GABRG3: variants seen among roughly 807,000 people sequenced by gnomAD.
The protein encoded by GABRG3 is gamma-aminobutyric acid type A receptor subunit gamma3, also known as gamma-aminobutyric acid receptor subunit gamma-3.
A neutral mutation model predicts 48.8 loss-of-function variants in GABRG3; 25 were observed. That is an observed-to-expected ratio of 0.51 (90% CI 0.37 to 0.72). The LOEUF (loss-of-function observed/expected upper bound fraction) is 0.72. Ranked by LOEUF, GABRG3 falls within the 30% of genes least tolerant of loss-of-function variation. GABRG3 has a pLI of 0.00. For missense variants in GABRG3, 394 were observed against 577.9 expected (o/e 0.68, Z 3.26); for synonymous variants, 227 against 217.6 (o/e 1.04, Z -0.38).
At chr15:27,004,130 C>G (rs1325499504) in intron 2 of GABRG3, among the ~76,000 whole-genome samples, 1 of 148,036 alleles carries the variant, frequency 6.8e-6, no homozygotes, top group Non-Finnish European at 1.5e-5. Flanking sequence ...GGGGGGCTGA[C>G]CCCCCCACCT....
intron 2 of GABRG3, among the ~76,000 whole-genome samples, chr15:27,015,513 T>G (rs542048370): frequency 2.2e-4 from 33 of 151,456 alleles, no homozygotes; most frequent in African/African-American, 6.8e-4. Context: ...GCCTCCCGAG[T>G]AGCTGGGACT....
chr15:27,189,538 T>C (rs1299735904), intron 3 of GABRG3, among the ~76,000 whole-genome samples: 2 of 151,800 alleles, frequency 1.3e-5, no homozygotes, highest in African/African-American at 2.4e-5. Flanking sequence ...TTGTCTGTTA[T>C]TGGTGTATAA....
chr15:26,989,285 G>C (rs999403148), intron 2 of GABRG3, among the ~76,000 whole-genome samples: 36 of 152,012 alleles, frequency 2.4e-4, no homozygotes, highest in Admixed American at 1.5e-3. Flanking sequence ...TTTGTGTTTT[G>C]TTTGTCTCTT....
At chr15:27,001,888 G>GGTTTTTTTTTTTTTTTTTT (rs1895453999) in intron 2 of GABRG3, among the ~76,000 whole-genome samples, 1 of 121,230 alleles carries the variant, frequency 8.2e-6, no homozygotes, top group Non-Finnish European at 1.7e-5. Context: ...CCATAACTCA[G>GGTTTTTTTTTTTTTTTTTT]TTTTTTTTTT....
chr15:27,468,659 A>G (rs1889691142), intron 5 of GABRG3, among the ~76,000 whole-genome samples: 3 of 152,142 alleles, frequency 2.0e-5, no homozygotes, highest in Admixed American at 6.5e-5. Context: ...CTGTATTATT[A>G]TGTCTCAGTA....
chr15:27,315,947 T>A (rs6606900), intron 3 of GABRG3, among the ~76,000 whole-genome samples: 15,745 of 152,124 alleles, frequency 0.1, 2,376 homozygotes, highest in African/African-American at 0.33. Flanking sequence ...CACATTATAA[T>A]CATAACCTGG....
chr15:27,151,815 A>T (rs1898321440), intron 3 of GABRG3, among the ~76,000 whole-genome samples: 1 of 152,190 alleles, frequency 6.6e-6, no homozygotes. Context: ...GCGCCTCCAG[A>T]AGGAGCACTG....
In GABRG3 at chr15:26,989,934, A is replaced by G. The variant is rs190730946; in HGVS notation, c.202+12784A>G. 3.9e-5 allele frequency among the ~76,000 whole-genome samples: 6 copies of G among 152,314 alleles called. No individual in the cohort carries two copies. In the East Asian group the frequency reaches 1.2e-3, roughly 29 times the overall value. ...CACCTAATGATCTCCAGTTCTATCT[A>G]TGGCATTGCAAATGACAGGATCTCA... On this transcript the variant is annotated intron_variant, in intron 2 of 9. Coordinates refer to ENST00000615808, the MANE Select transcript of GABRG3 (RefSeq NM_033223.5).
chr15:27,169,159 C>G (rs1361906875), intron 3 of GABRG3, among the ~76,000 whole-genome samples: 1 of 152,174 alleles, frequency 6.6e-6, no homozygotes, highest in East Asian at 1.9e-4. Flanking sequence ...AGAAAACATA[C>G]TTGTAGATAT....
Position 27,454,251 on chromosome 15 carries a change from G to A in GABRG3, c.575-26399G>A, listed in dbSNP as rs117883172. ...CTTGAACACTTCAGAAAAATGAAGC[G>A]TGTGGTCCAACATGGACATGAATGG... On this transcript the variant is annotated intron_variant, in intron 5 of 9. Transcript: ENST00000615808. 9.2e-5 allele frequency among the ~76,000 whole-genome samples: 14 copies of A among 152,234 alleles called. No individual in the cohort carries two copies. The East Asian group carries it at 9.7e-4, about 11-fold the overall frequency.
intron 5 of GABRG3, among the ~76,000 whole-genome samples, chr15:27,433,866 G>T (rs1051935755): frequency 3.3e-4 from 50 of 152,100 alleles, no homozygotes; most frequent in African/African-American, 1.2e-3. Context: ...TTCTGAAAAA[G>T]GTGAATTTCA....
intron 5 of GABRG3, among the ~76,000 whole-genome samples, chr15:27,336,208 A>G (rs112232758): frequency 0.07 from 9,627 of 138,012 alleles, 527 homozygotes; most frequent in African/African-American, 0.17. Context: ...GAAAGAAAGA[A>G]AGAGAGAGAG....
intron 5 of GABRG3, among the ~76,000 whole-genome samples, chr15:27,403,856 G>A (rs938877636): frequency 7.0e-6 from 1 of 143,446 alleles, no homozygotes; most frequent in Non-Finnish European, 1.5e-5. Flanking sequence ...AGGTTGCAGT[G>A]AGCCGAGATC....
intron 6 of GABRG3, among the ~76,000 whole-genome samples, chr15:27,492,682 A>G (rs1260667862): frequency 6.6e-6 from 1 of 152,228 alleles, no homozygotes; most frequent in Non-Finnish European, 1.5e-5. Context: ...AAAGTAGAAC[A>G]TCTATTTGTT....
intron 3 of GABRG3, among the ~76,000 whole-genome samples, chr15:27,308,763 CAT>C (rs1405777869): frequency 2.0e-5 from 3 of 149,188 alleles, no homozygotes; most frequent in Admixed American, 6.7e-5. Flanking sequence ...ATAATGTAAA[CAT>C]ACGTTTATAT....
chr15:27,257,086 T>C (rs1205052706), intron 3 of GABRG3, among the ~76,000 whole-genome samples: 2 of 152,228 alleles, frequency 1.3e-5, no homozygotes, highest in Admixed American at 1.3e-4. Flanking sequence ...GAATTATCTT[T>C]TGTCATTTTG....
chr15:27,249,405 G>A (rs112462623), intron 3 of GABRG3, among the ~76,000 whole-genome samples: 8,041 of 152,266 alleles, frequency 0.053, 724 homozygotes, highest in African/African-American at 0.18. Context: ...CCTGGGCCTT[G>A]CAGAGCAGCA....
At chr15:27,388,317 G>GGTAAGGAAGGAAGGAA (rs1555376788) in intron 5 of GABRG3, among the ~76,000 whole-genome samples, 1 of 29,468 alleles carries the variant, frequency 3.4e-5, no homozygotes, top group African/African-American at 1.6e-4. Flanking sequence ...AGGGAGGGAG[G>GGTAAGGAAGGAAGGAA]GAAAAGAAGG....
At chr15:27,475,749 GTGATGGTGACAA>G (rs1889921015) in intron 5 of GABRG3, among the ~76,000 whole-genome samples, 1 of 151,794 alleles carries the variant, frequency 6.6e-6, no homozygotes, top group Admixed American at 6.6e-5. Context: ...ATTGATGATC[GTGATGGTGACAA>G]TGATGGTGAT....
Sources: gnomAD v4.1 joint callset for allele counts (sites outside exome capture counted in the v4.1 genomes callset) on GRCh38, gnomAD v4.1.1 for gene constraint, MANE v1.5 for transcripts, NCBI Gene and HGNC (gene_info 2026-07-23, HGNC 2026-07-21) for gene names.